WFDC8: variants seen among roughly 807,000 people sequenced by gnomAD.
WFDC8 encodes WAP four-disulfide core domain protein 8.
Under a neutral mutation model 27.0 loss-of-function variants are expected in WFDC8, and 24 were observed. That is an observed-to-expected ratio of 0.89 (90% CI 0.64 to 1.25). The LOEUF is 1.25. WFDC8 is among the 50% of genes most tolerant of loss of function. The pLI is 0.00. For missense variants in WFDC8, 287 were observed against 295.9 expected (o/e 0.97, Z 0.22); for synonymous variants, 106 against 99.7 (o/e 1.06, Z -0.38).
chr20:45,577,171 TCTA>T (rs1326720858), intron 1 of WFDC8, among the ~76,000 whole-genome samples: 1 of 151,374 alleles, frequency 6.6e-6, no homozygotes, highest in Non-Finnish European at 1.5e-5. Context: ...CTTTTTGCAG[TCTA>T]CTTAGTGTCA....
At chr20:45,554,779 T>C (rs954964404) in intron 4 of WFDC8, among the ~76,000 whole-genome samples, 4 of 152,222 alleles carry the variant, frequency 2.6e-5, no homozygotes, top group Non-Finnish European at 5.9e-5. Flanking sequence ...TTCAGGCCCA[T>C]GGGTCCATGG....
chr20:45,571,792 A>C (rs719998), intron 1 of WFDC8, among the ~76,000 whole-genome samples: 1 of 151,972 alleles, frequency 6.6e-6, no homozygotes, highest in East Asian at 1.9e-4. Context: ...CATCCATGTT[A>C]TTGCAAATGA....
chr20:45,558,636 T>A (rs1166586926), intron 3 of WFDC8, among the ~76,000 whole-genome samples: 1 of 152,194 alleles, frequency 6.6e-6, no homozygotes, highest in Admixed American at 6.5e-5. Flanking sequence ...TGTGAATAAT[T>A]GAATGTTGGA....
At chr20:45,564,948 A>AGAAG (rs199524356) in intron 1 of WFDC8, among the ~76,000 whole-genome samples, 47,727 of 143,296 alleles carry the variant, frequency 0.33, 8,766 homozygotes, top group Non-Finnish European at 0.41. Context: ...AAAGAAAGAA[A>AGAAG]GAAGGAAGGA....
In WFDC8 at chr20:45,561,987, T is replaced by C. The variant is rs549406034; in HGVS notation, c.136+123A>G. The C allele has an allele frequency of 1.9e-4, 163 of 847,978 alleles. 1 individual carries two copies. The African/African-American group carries it at 2.5e-3, about 13-fold the overall frequency. 52.5% of individuals were successfully genotyped at this position (847,978 alleles called of 1,614,324 possible). A position where few individuals can be genotyped will look rare whatever the true frequency, so the allele number is the denominator to read the frequency against. On this transcript the variant is annotated intron_variant, in intron 2 of 5. Transcript: ENST00000289953. ...GGCCAGGGTCGTGAGCAGGGGTAGCTTTCTGTGGCCCCAAATCCACAGTAG... is the reference window on the plus strand; with the variant it reads ...GGCCAGGGTCGTGAGCAGGGGTAGCCTTCTGTGGCCCCAAATCCACAGTAG...
chr20:45,576,899 A>G (rs1311958990), intron 1 of WFDC8, among the ~76,000 whole-genome samples: 1 of 151,466 alleles, frequency 6.6e-6, no homozygotes, highest in Admixed American at 6.6e-5. Context: ...CACTAATGAC[A>G]TATTTGGATT....
Position 45,571,081 on chromosome 20 carries a change from T to TA in WFDC8, c.26+8140dup, listed in dbSNP as rs550778782. Among the ~76,000 whole-genome samples the TA allele has an allele frequency of 4.3e-3, 659 of 151,964 alleles. 5 individuals carry two copies. Among genetic ancestry groups the TA allele is most frequent in the African/African-American group, 0.015 (630 of 41,478 alleles). ...CAGAGCCCCATCATTGAACCTACTT[T>TA]AAAAAAAAGTCTTCATAATTTCCAT... On this transcript the variant is annotated intron_variant, in intron 1 of 5. Transcript: ENST00000289953.
chr20:45,569,701 C>T (rs901864843), intron 1 of WFDC8, among the ~76,000 whole-genome samples: 8 of 152,124 alleles, frequency 5.3e-5, no homozygotes, highest in Non-Finnish European at 8.8e-5. Context: ...CAGTCTTCTG[C>T]ATATGGATAG....
chr20:45,553,193 G>A lies in WFDC8; in HGVS notation c.529C>T (p.Gln177Ter). The A allele has an allele frequency of 6.2e-7, 1 of 1,613,826 alleles. No homozygotes were observed. The highest frequency in any genetic ancestry group is 8.5e-7 in the Non-Finnish European group (1 of 1,179,784). The stretch of plus-strand genomic sequence containing the variant: ...CTGGATTCACAACATTTGTCTGTCT[G>A]GGGACAATCGATGTCACTGTGACAT... ...PSCHSDIDCPQTDKCCESRCG... is the reference protein window; with the variant it reads ...PSCHSDIDCP The change falls in exon 5 of 6, where the codon CAG (glutamine) becomes TAG (stop). Residue 177 changes from glutamine to a stop codon, truncating the protein, a stop_gained. Transcript: ENST00000289953. LOFTEE classifies it high-confidence loss of function.
At chr20:45,559,811 T>C (rs990191576) in intron 2 of WFDC8, 5 of 152,444 alleles carry the variant, frequency 3.3e-5, no homozygotes, top group Non-Finnish European at 7.3e-5. Flanking sequence ...ACTAACCAGG[T>C]CTGATCCTGC....
chr20:45,555,648 T>C, intron 4 of WFDC8, 53 bp downstream of exon 4: 1 of 1,593,988 alleles, frequency 6.3e-7, no homozygotes, highest in Non-Finnish European at 8.6e-7. Context: ...ACCTCATTGG[T>C]ATACTATTTC....
At chr20:45,553,112 G>T in intron 5 of WFDC8, 24 bp downstream of exon 5, 1 of 1,601,142 alleles carries the variant, frequency 6.2e-7, no homozygotes. Context: ...CAATAGATTT[G>T]GGAGGTATAT....
At chr20:45,578,488 C>T (rs1003490027) in intron 1 of WFDC8, among the ~76,000 whole-genome samples, 1 of 151,312 alleles carries the variant, frequency 6.6e-6, no homozygotes, top group African/African-American at 2.4e-5. Flanking sequence ...GTGGATTAGG[C>T]CCCTTCTCCT....
chr20:45,555,768 C>T lies in WFDC8; in HGVS notation c.378G>A (p.Arg126=). 6.2e-7 allele frequency: 1 copy of T among 1,613,580 alleles called. No individual in the cohort carries two copies. The highest frequency in any genetic ancestry group is 8.5e-7 in the Non-Finnish European group (1 of 1,180,024). ...AGTTGTTGGCATTCCCTTCGCAGCCCCTGTATTTGAAGGGTGTGCAGCGGT... is the reference window on the plus strand; with the variant it reads ...AGTTGTTGGCATTCCCTTCGCAGCCTCTGTATTTGAAGGGTGTGCAGCGGT... The part of the protein sequence containing the change: ...KNYRCTPFKY[R]GCEGNANNFL... Residue 126 remains arginine (R), a synonymous_variant, in exon 4 of 6, where the codon AGG becomes AGA. Transcript: ENST00000289953.
rs1980737609 is a variant in WFDC8, at chr20:45,567,972, T to C, written c.27-5753A>G. ...TCCTGAGTAGCTGGGATTACAGGCATGCACCACCATGCATGGCTCAAATTC... is the reference window on the plus strand; with the variant it reads ...TCCTGAGTAGCTGGGATTACAGGCACGCACCACCATGCATGGCTCAAATTC... On this transcript the variant is annotated intron_variant, in intron 1 of 5. Transcript: ENST00000289953. 2.2e-5 allele frequency: 5 copies of C among 230,658 alleles called. 1 individual carries two copies. Among genetic ancestry groups the C allele is most frequent in the Admixed American group, 2.0e-4 (5 of 25,010 alleles). 14.3% of individuals were successfully genotyped at this position (230,658 alleles called of 1,614,324 possible).
intron 1 of WFDC8, 81 bp downstream of exon 1, chr20:45,579,141 T>A: frequency 6.9e-7 from 1 of 1,440,722 alleles, no homozygotes; most frequent in Middle Eastern, 1.8e-4. Flanking sequence ...CCGACCACTC[T>A]AACTTCTATG....
chr20:45,564,483 A>G (rs1980575679), intron 1 of WFDC8, among the ~76,000 whole-genome samples: 1 of 152,138 alleles, frequency 6.6e-6, no homozygotes, highest in African/African-American at 2.4e-5. Context: ...CATCCTGGCT[A>G]ACACGGTGAA....
rs767050790 is a variant in WFDC8, at chr20:45,553,117, G to A, written c.586+19C>T. On this transcript the variant is annotated intron_variant, in intron 5 of 5. Coordinates refer to ENST00000289953, the MANE Select transcript of WFDC8 (RefSeq NM_130896.3). ...GGCACATGCCCAATAGATTTGGGAG[G>A]TATATCCCCAATCCTTACCTGTCCA... 1 of 1,604,824 alleles carries A rather than the reference G, an allele frequency of 6.2e-7. No individual in the cohort carries two copies. Among genetic ancestry groups the A allele is most frequent in the South Asian group, 1.1e-5 (1 of 89,164 alleles).
chr20:45,552,273 T>C lies in WFDC8; in HGVS notation c.587-108A>G, dbSNP rs1312525447. On this transcript the variant is annotated intron_variant, in intron 5 of 5. Transcript: ENST00000289953. ...AACAAGGTTTTATTCTGATTAAGCT[T>C]CTTACCTTTCCCCCTACAGTAACAA... 1.1e-5 allele frequency: 15 copies of C among 1,335,462 alleles called. No individual in the cohort carries two copies. In the African/African-American group the frequency reaches 2.0e-4, roughly 18 times the overall value. 82.7% of individuals were successfully genotyped at this position (1,335,462 alleles called of 1,614,324 possible).
Sources: gnomAD v4.1 joint callset for allele counts (sites outside exome capture counted in the v4.1 genomes callset) on GRCh38, gnomAD v4.1.1 for gene constraint, MANE v1.5 for transcripts, NCBI Gene and HGNC (gene_info 2026-07-23, HGNC 2026-07-21) for gene names.